The following SOX6 variants were observed in gnomAD, a reference collection of about 807,000 sequenced individuals.
The protein encoded by SOX6 is transcription factor SOX-6.
In SOX6, 11 loss-of-function variants were observed where a neutral mutation model predicts 97.8. The observed-to-expected ratio is 0.11, with a 90% CI of 0.07 to 0.19. The LOEUF (loss-of-function observed/expected upper bound fraction) is 0.19. Among genes scored for constraint, SOX6 ranks in the 10% least tolerant of loss-of-function variants. The pLI, the probability that SOX6 is intolerant of heterozygous loss-of-function variation, is 1.00. For missense variants in SOX6, 810 were observed against 1,039.5 expected (o/e 0.78, Z 3.04); for synonymous variants, 360 against 371.4 (o/e 0.97, Z 0.35).
At chr11:16,591,324 T>TAGATAGATAGACAGATAGAC (rs764523662) in intron 4 of SOX6, among the ~76,000 whole-genome samples, 49 of 73,344 alleles carry the variant, frequency 6.7e-4, no homozygotes, top group Admixed American at 1.5e-3. Flanking sequence ...GATACATAGA[T>TAGATAGATAGACAGATAGAC]AGATAGATAG....
At chr11:16,356,702 G>A (rs2134368700), upstream of SOX6, among the ~76,000 whole-genome samples, 1 of 152,230 alleles carries the variant, frequency 6.6e-6, no homozygotes, top group Middle Eastern at 3.4e-3. Flanking sequence ...GAAATATAGA[G>A]GGGCCCCTTT....
At chr11:16,241,137 T>C (rs1291366737) in intron 3 of SOX6, among the ~76,000 whole-genome samples, 1 of 152,122 alleles carries the variant, frequency 6.6e-6, no homozygotes, top group African/African-American at 2.4e-5. Flanking sequence ...TTTTCCATAA[T>C]GCTTTATTTT....
chr11:16,132,489 A>AAGCAAGC (rs1564972814), intron 6 of SOX6, among the ~76,000 whole-genome samples: 8 of 131,818 alleles, frequency 6.1e-5, no homozygotes, highest in African/African-American at 1.4e-4. Context: ...AGAAAGAAAG[A>AAGCAAGC]AAGAAAGAAA....
At chr11:16,367,055 G>C (rs190709850) in intron 1 of SOX6, among the ~76,000 whole-genome samples, 1 of 152,296 alleles carries the variant, frequency 6.6e-6, no homozygotes, top group Non-Finnish European at 1.5e-5. Context: ...TTCATCCAAA[G>C]TGAAGTTTAT....
At chr11:16,603,908 T>G (rs1466907223) in intron 4 of SOX6, among the ~76,000 whole-genome samples, 1 of 152,030 alleles carries the variant, frequency 6.6e-6, no homozygotes, top group Non-Finnish European at 1.5e-5. Flanking sequence ...GGTTCGGCCC[T>G]CCCTCGGGAA....
At chr11:16,103,637 G>T (rs1036445461) in intron 7 of SOX6, among the ~76,000 whole-genome samples, 1 of 151,772 alleles carries the variant, frequency 6.6e-6, no homozygotes, top group Non-Finnish European at 1.5e-5. Flanking sequence ...ATCAATCTAC[G>T]CATGGATAAA....
chr11:16,114,599 CTACTT>C (rs1223163928), intron 6 of SOX6, among the ~76,000 whole-genome samples: 3 of 152,166 alleles, frequency 2.0e-5, no homozygotes, highest in African/African-American at 4.8e-5. Context: ...ACTCATAACT[CTACTT>C]TAAGAAAGAA....
chr11:16,668,136 G>A (rs1847820672), intron 3 of SOX6, among the ~76,000 whole-genome samples: 1 of 152,162 alleles, frequency 6.6e-6, no homozygotes, highest in Admixed American at 6.5e-5. Context: ...AACTTTGGGA[G>A]GTCAAGGCAG....
intron 13 of SOX6, among the ~76,000 whole-genome samples, chr11:16,000,479 A>G (rs545170110): frequency 6.6e-6 from 1 of 152,364 alleles, no homozygotes; most frequent in East Asian, 1.9e-4. Context: ...GTGATTGTTG[A>G]ATATATAAGA....
At chr11:16,256,561 G>T (rs1466904146) in intron 3 of SOX6, among the ~76,000 whole-genome samples, 2 of 151,742 alleles carry the variant, frequency 1.3e-5, no homozygotes, top group Non-Finnish European at 3.0e-5. Context: ...TCCTCAACTT[G>T]GTAAAGAACA....
chr11:16,118,090 A>G (rs1849397986), intron 6 of SOX6, among the ~76,000 whole-genome samples: 1 of 152,200 alleles, frequency 6.6e-6, no homozygotes, highest in Admixed American at 6.5e-5. Flanking sequence ...TGTGGCCAAA[A>G]TATATCGCTG....
At chr11:16,202,072 T>C (rs1851956893) in intron 4 of SOX6, among the ~76,000 whole-genome samples, 1 of 152,176 alleles carries the variant, frequency 6.6e-6, no homozygotes, top group Non-Finnish European at 1.5e-5. Flanking sequence ...AAACTTATAC[T>C]TTCACTACTA....
intron 12 of SOX6, among the ~76,000 whole-genome samples, chr11:16,030,990 T>C (rs886508053): frequency 1.3e-5 from 2 of 152,302 alleles, no homozygotes; most frequent in Non-Finnish European, 1.5e-5. Context: ...ACAATAAATA[T>C]GGTAAATGGT....
intron 2 of SOX6, among the ~76,000 whole-genome samples, chr11:16,729,213 CG>C (rs1251792167): frequency 1.3e-5 from 2 of 152,130 alleles, no homozygotes; most frequent in Non-Finnish European, 2.9e-5. Context: ...CGTTCAAATT[CG>C]GGAAATACAG....
rs1484068557 is a variant in SOX6, at chr11:16,086,532, G to C, written c.1101+9464C>G. 2.0e-5 allele frequency among the ~76,000 whole-genome samples: 3 copies of C among 152,118 alleles called. No homozygotes were observed. In the East Asian group the frequency reaches 5.8e-4, roughly 29 times the overall value. The stretch of plus-strand genomic sequence containing the variant: ...TGCAGCAGGCGCTCCATCCCAGTAT[G>C]GTCAAACATCTGCTTCATCTGCTGG... On this transcript the variant is annotated intron_variant, in intron 9 of 15. Coordinates refer to ENST00000683767, the MANE Select transcript of SOX6 (RefSeq NM_001367873.1).
At chr11:16,111,293 T>A (rs1236261607) in intron 7 of SOX6, among the ~76,000 whole-genome samples, 2 of 152,214 alleles carry the variant, frequency 1.3e-5, no homozygotes, top group Non-Finnish European at 2.9e-5. Flanking sequence ...GGTTTAAAAA[T>A]GAATTAAAAA....
At chr11:16,061,306 A>AG (rs949341025) in intron 9 of SOX6, among the ~76,000 whole-genome samples, 5 of 151,052 alleles carry the variant, frequency 3.3e-5, no homozygotes, top group African/African-American at 7.3e-5. Flanking sequence ...ATAGCTACAA[A>AG]AAAAAAAAAA....
chr11:16,463,693 G>A (rs1353836237), intron 1 of SOX6, among the ~76,000 whole-genome samples: 4 of 152,128 alleles, frequency 2.6e-5, no homozygotes, highest in Non-Finnish European at 5.9e-5. Flanking sequence ...GGAAGTGTTG[G>A]AGCACTGTTA....
intron 12 of SOX6, among the ~76,000 whole-genome samples, chr11:16,046,056 G>A (rs1248925086): frequency 2.6e-5 from 4 of 152,134 alleles, no homozygotes; most frequent in African/African-American, 4.8e-5. Flanking sequence ...AAAACCAAAT[G>A]AATGCAATTT....
Sources: allele counts gnomAD v4.1 joint callset (sites outside exome capture counted in the v4.1 genomes callset), GRCh38; gene constraint gnomAD v4.1.1; transcripts MANE v1.5; gene names NCBI Gene and HGNC (gene_info 2026-07-23, HGNC 2026-07-21).